The following LGR4 variants were observed in gnomAD, a reference collection of about 807,000 sequenced individuals.
LGR4 encodes the protein leucine-rich repeat-containing G protein-coupled receptor 4.
In LGR4, 44 loss-of-function variants were observed where a neutral mutation model predicts 84.8. The ratio of observed to expected loss-of-function variants is 0.52; its 90% CI spans 0.41 to 0.67. The LOEUF (loss-of-function observed/expected upper bound fraction) is 0.67, where lower values mean the gene tolerates loss of function less well. Ranked by LOEUF, LGR4 falls within the 30% of genes least tolerant of loss-of-function variation. LGR4 has a pLI of 0.00. For missense variants in LGR4, 1,032 were observed against 1,131.4 expected (o/e 0.91, Z 1.26); for synonymous variants, 429 against 434.3 (o/e 0.99, Z 0.15).
intron 1 of LGR4, among the ~76,000 whole-genome samples, chr11:27,416,006 T>C (rs1313114306): frequency 2.0e-5 from 3 of 152,280 alleles, no homozygotes; most frequent in Admixed American, 1.3e-4. Context: ...TATAAATTAT[T>C]ATGATACATA....
At position 27,372,373 on chromosome 11, in the gene LGR4, G is replaced by C. The variant is rs1317731692; in HGVS notation, c.1405C>G (p.Gln469Glu). ...TCACAACCCCAAAATGCACAGCACT[G>C]ATAAGCATATGGTACTGATAAAGAC... ...LRSLSVPYAY[Q>E]CCAFWGCDSY... The change falls in exon 16 of 18, where the codon CAG becomes GAG. Residue 469 changes from glutamine (Q) to glutamate (E), a missense_variant. Gln to Glu is a conservative substitution (Grantham distance 29). Coordinates refer to ENST00000379214, the MANE Select transcript of LGR4 (RefSeq NM_018490.5). The C allele has an allele frequency of 1.2e-6, 2 of 1,611,604 alleles. No individual in the cohort carries two copies. Among genetic ancestry groups the C allele is most frequent in the Non-Finnish European group, 1.7e-6 (2 of 1,177,930 alleles).
chr11:27,441,604 G>A (rs1166906686), intron 1 of LGR4, among the ~76,000 whole-genome samples: 1 of 152,180 alleles, frequency 6.6e-6, no homozygotes, highest in Non-Finnish European at 1.5e-5. Flanking sequence ...AGGGCTTAAT[G>A]AGGCTGAAAA....
intron 1 of LGR4, among the ~76,000 whole-genome samples, chr11:27,442,630 C>A (rs568762896): frequency 5.3e-5 from 8 of 152,222 alleles, no homozygotes; most frequent in African/African-American, 1.9e-4. Flanking sequence ...GATTACAGAG[C>A]AAAACAGCAC....
Position 27,472,245 on chromosome 11 carries a change from C to CA in LGR4, c.57_58insT (p.Gly20TrpfsTer59). The CA allele has an allele frequency of 7.6e-7, 1 of 1,322,446 alleles. No homozygotes were observed. The highest frequency in any genetic ancestry group is 9.6e-7 in the Non-Finnish European group (1 of 1,041,684). 81.9% of individuals were successfully genotyped at this position (1,322,446 alleles called of 1,614,324 possible). On this transcript the variant is annotated frameshift_variant, in exon 1 of 18. Transcript: ENST00000379214. LOFTEE classifies it high-confidence loss of function. ...AGAGGCGGCGCCGCGCCGCTGGGCC[C>CA]GGCCGAGCCGAGCAGCCCCAGGGCG...
chr11:27,427,305 C>CT (rs1243178720), intron 1 of LGR4, among the ~76,000 whole-genome samples: 2 of 152,134 alleles, frequency 1.3e-5, no homozygotes, highest in African/African-American at 4.8e-5. Context: ...AAAAGAGCAG[C>CT]TGTATGCAAG....
rs1260567678 is a variant in LGR4, at chr11:27,368,677, GA to G, written c.2045del (p.Phe682SerfsTer23). ...GTGATGCAGAATATTCCCCTCTATG[GA>G]AAAGGGGAAAACAGCCTGCTACTGT... ...GATVAGCFPL[F>X]HRGEYSASPL... On this transcript the variant is annotated frameshift_variant, in exon 18 of 18. Coordinates refer to ENST00000379214, the MANE Select transcript of LGR4 (RefSeq NM_018490.5). LOFTEE classifies it low-confidence loss of function (END_TRUNC). 6.2e-7 allele frequency: 1 copy of G among 1,613,498 alleles called. No individual in the cohort carries two copies. The highest frequency in any genetic ancestry group is 1.3e-5 in the African/African-American group (1 of 74,872).
intron 11 of LGR4, among the ~76,000 whole-genome samples, chr11:27,378,399 T>C (rs900983094): frequency 6.6e-6 from 1 of 152,088 alleles, no homozygotes; most frequent in African/African-American, 2.4e-5. Context: ...GAGATACCCC[T>C]GGAGAAACTA....
intron 1 of LGR4, among the ~76,000 whole-genome samples, chr11:27,468,039 A>G (rs573206660): frequency 6.6e-6 from 1 of 152,336 alleles, no homozygotes; most frequent in South Asian, 2.1e-4. Flanking sequence ...TACACAGTAG[A>G]TATCAGAGAA....
chr11:27,384,996 A>G (rs190930556), intron 5 of LGR4, among the ~76,000 whole-genome samples: 8 of 152,320 alleles, frequency 5.3e-5, no homozygotes, highest in Admixed American at 4.6e-4. Flanking sequence ...AAAGCTGTAT[A>G]AGTGTGTGCT....
rs1467865043 is a variant in LGR4 at position 27,472,556 on chromosome 11, C to T, written c.-254G>A. ...CGCTCCTCCGGCGGCTCACGCCAGCCGGGCCGGCCCGGCGCAGCGGCGGGG... is the reference window on the plus strand; with the variant it reads ...CGCTCCTCCGGCGGCTCACGCCAGCTGGGCCGGCCCGGCGCAGCGGCGGGG... On this transcript the variant is annotated 5_prime_UTR_variant, in exon 1 of 18. Coordinates refer to ENST00000379214, the MANE Select transcript of LGR4 (RefSeq NM_018490.5). 5 of 375,276 alleles carry T rather than the reference C, an allele frequency of 1.3e-5. No homozygotes were observed. The Admixed American group carries it at 2.3e-4, about 17-fold the overall frequency. 23.2% of individuals were successfully genotyped at this position (375,276 alleles called of 1,614,324 possible).
chr11:27,383,042 A>T (rs1863127332), intron 6 of LGR4, among the ~76,000 whole-genome samples: 1 of 152,184 alleles, frequency 6.6e-6, no homozygotes, highest in Admixed American at 6.6e-5. Flanking sequence ...AAAAAAATAA[A>T]AAATAATCAG....
chr11:27,377,821 A>T (rs1351324455), intron 11 of LGR4, among the ~76,000 whole-genome samples: 1 of 152,198 alleles, frequency 6.6e-6, no homozygotes, highest in Non-Finnish European at 1.5e-5. Flanking sequence ...ACTAAATTAT[A>T]GTCATGACCC....
chr11:27,371,635 A>T lies in LGR4; in HGVS notation c.1559T>A (p.Ile520Asn), dbSNP rs1033087667. Reference sequence around the variant, plus strand: ...CATACCTGTTGAAGGTGTACAATGGATAATTATTTGACTATGTTCTTCATT... The same window carrying T: ...CATACCTGTTGAAGGTGTACAATGGTTAATTATTTGACTATGTTCTTCATT... ...LENEEHSQII[I>N]HCTPSTGAFK... is the part of the protein sequence containing the mutation. The change falls in exon 17 of 18, where the codon ATC (isoleucine) becomes AAC (asparagine). Residue 520 changes from isoleucine (I) to asparagine (N), a missense_variant. Ile to Asn is a moderately radical substitution (Grantham distance 149). Transcript: ENST00000379214. 7 of 1,613,234 alleles carry T rather than the reference A, an allele frequency of 4.3e-6. No homozygotes were observed. In the African/African-American group the frequency reaches 6.7e-5, roughly 15 times the overall value.
At chr11:27,391,028 A>T (rs1863274942) in intron 4 of LGR4, 66 bp downstream of exon 4, 5 of 879,440 alleles carry the variant, frequency 5.7e-6, no homozygotes, top group Non-Finnish European at 1.8e-6. Context: ...TTACAATTCT[A>T]GTTATTTACA....
At chr11:27,470,885 C>T (rs1864858446) in intron 1 of LGR4, among the ~76,000 whole-genome samples, 1 of 152,264 alleles carries the variant, frequency 6.6e-6, no homozygotes, top group South Asian at 2.1e-4. Flanking sequence ...TTTGCCACCA[C>T]CCACCTGGAA....
At chr11:27,456,709 C>G (rs965362559) in intron 1 of LGR4, among the ~76,000 whole-genome samples, 4 of 152,072 alleles carry the variant, frequency 2.6e-5, no homozygotes, top group African/African-American at 9.7e-5. Flanking sequence ...CAAAAAAACA[C>G]TATTAACATG....
At chr11:27,450,140 C>T (rs1428739306) in intron 1 of LGR4, among the ~76,000 whole-genome samples, 1 of 152,154 alleles carries the variant, frequency 6.6e-6, no homozygotes, top group Non-Finnish European at 1.5e-5. Context: ...TCTAGATCCT[C>T]TGAGCAAAAT....
At chr11:27,418,603 AT>A (rs1863865065) in intron 1 of LGR4, among the ~76,000 whole-genome samples, 1 of 152,126 alleles carries the variant, frequency 6.6e-6, no homozygotes, top group Admixed American at 6.5e-5. Context: ...CACAACACCC[AT>A]ATTGACACTT....
In LGR4 at chr11:27,391,364, A is replaced by G. The variant is rs760122349; in HGVS notation, c.330-199T>C. ...TGTTGTAAAGCCAGAAAGGAAATCT[A>G]TACTGCTATCCCAAGCCATGCCCTA... On this transcript the variant is annotated intron_variant, in intron 3 of 17. Coordinates refer to ENST00000379214, the MANE Select transcript of LGR4 (RefSeq NM_018490.5). 2.6e-5 allele frequency among the ~76,000 whole-genome samples: 4 copies of G among 152,004 alleles called. 1 individual carries two copies.
Sources: gnomAD v4.1 joint callset for allele counts (sites outside exome capture counted in the v4.1 genomes callset) on GRCh38, gnomAD v4.1.1 for gene constraint, MANE v1.5 for transcripts, NCBI Gene and HGNC (gene_info 2026-07-23, HGNC 2026-07-21) for gene names.